KIF21A: variants seen among roughly 807,000 people sequenced by gnomAD.
The protein encoded by KIF21A is kinesin family member 21A.
Under a neutral mutation model 202.9 loss-of-function variants are expected in KIF21A, and 114 were observed. The observed-to-expected ratio is 0.56, with a 90% CI of 0.48 to 0.66. The LOEUF (loss-of-function observed/expected upper bound fraction) is 0.66, where lower values mean the gene tolerates loss of function less well. KIF21A is among the 30% of genes least tolerant of loss of function. KIF21A has a pLI of 0.00. For missense variants in KIF21A, 1,677 were observed against 1,994.9 expected (o/e 0.84, Z 3.04); for synonymous variants, 667 against 670.8 (o/e 0.99, Z 0.09).
chr12:39,353,268 T>C (rs1489760482), intron 10 of KIF21A, among the ~76,000 whole-genome samples: 1 of 152,076 alleles, frequency 6.6e-6, no homozygotes, highest in African/African-American at 2.4e-5. Flanking sequence ...CAAGTGATCC[T>C]CCCACCTCAG....
chr12:39,421,713 T>TAA (rs1239577792), intron 1 of KIF21A, among the ~76,000 whole-genome samples: 13 of 129,244 alleles, frequency 1.0e-4, no homozygotes, highest in African/African-American at 4.0e-4. Context: ...AATAAATAAA[T>TAA]ATATATAATT....
chr12:39,301,336 AT>A, intron 37 of KIF21A, 143 bp downstream of exon 37: 1 of 781,368 alleles, frequency 1.3e-6, no homozygotes, highest in Non-Finnish European at 2.1e-6. Flanking sequence ...ACATCAGAAA[AT>A]ATGAATAAGA....
rs539830645 is a variant in KIF21A at position 39,326,346 on chromosome 12, G to A, written c.3341-22C>T. The stretch of plus-strand genomic sequence containing the variant: ...TTTTCTACAAAAAAATGTTTAAAAT[G>A]TAAGCATTATCCCCATGTCACAGTT... On this transcript the variant is annotated intron_variant, in intron 24 of 37. Transcript: ENST00000361418. The A allele has an allele frequency of 1.0e-5, 16 of 1,546,888 alleles. No homozygotes were observed. The South Asian group carries it at 1.6e-4, about 15-fold the overall frequency.
intron 29 of KIF21A, 74 bp from the exon 30 acceptor site, chr12:39,316,044 A>C: frequency 1.0e-6 from 1 of 964,098 alleles, no homozygotes; most frequent in Non-Finnish European, 1.7e-6. Flanking sequence ...CTTTGGACTC[A>C]AAATCAACAG....
intron 1 of KIF21A, among the ~76,000 whole-genome samples, chr12:39,426,595 G>A (rs144720098): frequency 0.017 from 2,654 of 152,012 alleles, 53 homozygotes; most frequent in African/African-American, 0.054. Flanking sequence ...AATTAAGGCC[G>A]GGCACGGTGG....
chr12:39,358,502 A>C, intron 7 of KIF21A, 129 bp from the exon 8 acceptor site: 1 of 820,230 alleles, frequency 1.2e-6, no homozygotes, highest in Non-Finnish European at 2.0e-6. Flanking sequence ...GCAAATTTAA[A>C]AGCCCCTGTA....
intron 34 of KIF21A, among the ~76,000 whole-genome samples, chr12:39,306,552 A>C (rs935851319): frequency 1.3e-5 from 2 of 152,186 alleles, no homozygotes; most frequent in African/African-American, 2.4e-5. Context: ...AAATGTTATA[A>C]ATTATAACAC....
At chr12:39,306,014 A>G (rs1006270939) in intron 34 of KIF21A, among the ~76,000 whole-genome samples, 3 of 152,224 alleles carry the variant, frequency 2.0e-5, no homozygotes, top group Admixed American at 6.5e-5. Flanking sequence ...CAATTATTAT[A>G]AAGACATGAA....
At chr12:39,313,861 A>T (rs1944262144) in intron 31 of KIF21A, among the ~76,000 whole-genome samples, 1 of 151,972 alleles carries the variant, frequency 6.6e-6, no homozygotes, top group Admixed American at 6.6e-5. Flanking sequence ...TAAGAAGAAC[A>T]TTGAAAAATT....
At chr12:39,368,500 T>C (rs967219114) in intron 3 of KIF21A, among the ~76,000 whole-genome samples, 1 of 152,134 alleles carries the variant, frequency 6.6e-6, no homozygotes, top group Non-Finnish European at 1.5e-5. Flanking sequence ...ATATTAGTGT[T>C]CCTGTATCAA....
chr12:39,310,170 T>A lies in KIF21A; in HGVS notation c.4097-404A>T, dbSNP rs572263358. On this transcript the variant is annotated intron_variant, in intron 32 of 37. Transcript: ENST00000361418. ...TCAACACTAGTAAATATACACACAT[T>A]TTTCCCCCCAAGGGTCAATGATTGA... is the stretch of plus-strand genomic sequence containing the variant. 1.1e-3 allele frequency among the ~76,000 whole-genome samples: 166 copies of A among 152,096 alleles called. 1 individual carries two copies. The highest frequency in any genetic ancestry group is 3.8e-3 in the African/African-American group (157 of 41,526).
chr12:39,437,644 G>T (rs1189451476), intron 1 of KIF21A, among the ~76,000 whole-genome samples: 1 of 152,118 alleles, frequency 6.6e-6, no homozygotes, highest in Non-Finnish European at 1.5e-5. Context: ...TTCATTTCTG[G>T]TATGTGCTAT....
intron 1 of KIF21A, among the ~76,000 whole-genome samples, chr12:39,432,904 C>T (rs976121551): frequency 1.3e-5 from 2 of 152,248 alleles, no homozygotes; most frequent in South Asian, 2.1e-4. Flanking sequence ...AGCCACCACA[C>T]GACGACCAAG....
chr12:39,426,163 C>T (rs1369123492), intron 1 of KIF21A, among the ~76,000 whole-genome samples: 2 of 152,118 alleles, frequency 1.3e-5, no homozygotes, highest in Non-Finnish European at 2.9e-5. Flanking sequence ...ACAAAGGAGT[C>T]TTAAATTGTA....
intron 37 of KIF21A, among the ~76,000 whole-genome samples, chr12:39,296,259 C>G (rs962664467): frequency 6.7e-6 from 1 of 150,094 alleles, no homozygotes; most frequent in Admixed American, 6.7e-5. Context: ...TTAGTAGGGA[C>G]AGGGTTTCAC....
Position 39,324,522 on chromosome 12 carries a change from C to T in KIF21A, c.3456+1317G>A, listed in dbSNP as rs113257285. On this transcript the variant is annotated intron_variant, in intron 26 of 37. Transcript: ENST00000361418. ...ATAATAAAACACAAACCACATGTTG[C>T]GAAGCCAATAGCTCAAAGATCATGT... Among the ~76,000 whole-genome samples, 393 of 152,308 alleles carry T rather than the reference C, an allele frequency of 2.6e-3. 3 individuals carry two copies. Among genetic ancestry groups the T allele is most frequent in the African/African-American group, 8.6e-3 (358 of 41,570 alleles).
intron 1 of KIF21A, among the ~76,000 whole-genome samples, chr12:39,401,562 C>T (rs991340771): frequency 8.5e-5 from 13 of 152,116 alleles, no homozygotes; most frequent in Admixed American, 6.6e-5. Context: ...AGGCCAAGTT[C>T]CCATGATTCT....
chr12:39,343,112 A>G (rs1947580300), intron 12 of KIF21A, among the ~76,000 whole-genome samples: 1 of 152,122 alleles, frequency 6.6e-6, no homozygotes, highest in Non-Finnish European at 1.5e-5. Flanking sequence ...AAATCATTAA[A>G]AAGCCCTTTG....
At chr12:39,395,924 C>T (rs1951716390) in intron 1 of KIF21A, among the ~76,000 whole-genome samples, 1 of 151,676 alleles carries the variant, frequency 6.6e-6, no homozygotes, top group African/African-American at 2.4e-5. Flanking sequence ...CATTCCTTCC[C>T]TCTCTAAACA....
Sources: allele counts gnomAD v4.1 joint callset (sites outside exome capture counted in the v4.1 genomes callset), GRCh38; gene constraint gnomAD v4.1.1; transcripts MANE v1.5; gene names NCBI Gene and HGNC (gene_info 2026-07-23, HGNC 2026-07-21).